The following FAM178B variants were observed in gnomAD, a reference collection of about 807,000 sequenced individuals.
FAM178B encodes the protein protein FAM178B.
A neutral mutation model predicts 91.7 loss-of-function variants in FAM178B; 82 were observed. The ratio of observed to expected loss-of-function variants is 0.89; its 90% CI spans 0.75 to 1.07. The LOEUF (loss-of-function observed/expected upper bound fraction) is 1.07, where lower values mean the gene tolerates loss of function less well. Among genes scored for constraint, FAM178B ranks in the 50% least tolerant of loss-of-function variants. The pLI, the probability that FAM178B is intolerant of heterozygous loss-of-function variation, is 0.00. For missense variants in FAM178B, 769 were observed against 846.7 expected (o/e 0.91, Z 1.14); for synonymous variants, 368 against 359.4 (o/e 1.02, Z -0.27).
intron 12 of FAM178B, among the ~76,000 whole-genome samples, chr2:96,920,007 G>A (rs998286883): frequency 6.6e-6 from 1 of 152,174 alleles, no homozygotes; most frequent in Non-Finnish European, 1.5e-5. Flanking sequence ...ACAGTGCAGG[G>A]GAAGGGAAGG....
intron 6 of FAM178B, 37 bp downstream of exon 6, chr2:96,960,251 G>C: frequency 6.5e-7 from 1 of 1,549,402 alleles, no homozygotes. Context: ...TCCTGGACAG[G>C]CTGCGCCACC....
intron 10 of FAM178B, 91 bp from the exon 11 acceptor site, chr2:96,921,745 A>C: frequency 7.6e-7 from 1 of 1,318,894 alleles, no homozygotes; most frequent in Non-Finnish European, 1.1e-6. Flanking sequence ...ACTTAGGCAG[A>C]AGGGATGGTA....
At chr2:96,957,321 A>T (rs2082013194) in intron 6 of FAM178B, among the ~76,000 whole-genome samples, 1 of 151,642 alleles carries the variant, frequency 6.6e-6, no homozygotes, top group African/African-American at 2.4e-5. Flanking sequence ...CTAAATGGTG[A>T]CCTCCAGGAA....
intron 14 of FAM178B, among the ~76,000 whole-genome samples, chr2:96,884,269 T>C (rs1420604941): frequency 6.6e-6 from 1 of 152,110 alleles, no homozygotes; most frequent in African/African-American, 2.4e-5. Context: ...CAAGAGCAGA[T>C]GTCTGGGCTC....
At chr2:96,902,586 G>T in intron 13 of FAM178B, 34 bp downstream of exon 13, 1 of 1,469,892 alleles carries the variant, frequency 6.8e-7, no homozygotes, top group Non-Finnish European at 9.3e-7. Context: ...CGCAGGCCAT[G>T]GCCTTCCTGC....
intron 12 of FAM178B, among the ~76,000 whole-genome samples, chr2:96,917,405 G>C (rs965823291): frequency 1.3e-5 from 2 of 152,184 alleles, no homozygotes; most frequent in African/African-American, 4.8e-5. Flanking sequence ...GGCATTTAAA[G>C]GGCAATTGCC....
At chr2:96,898,021 G>C in intron 13 of FAM178B, 1 of 985,534 alleles carries the variant, frequency 1.0e-6, no homozygotes, top group Non-Finnish European at 1.2e-6. Context: ...GAGATACAGA[G>C]CCCAGCAGCT....
At chr2:96,977,019 AC>A (rs1206822414) in intron 1 of FAM178B, among the ~76,000 whole-genome samples, 1 of 151,556 alleles carries the variant, frequency 6.6e-6, no homozygotes, top group African/African-American at 2.4e-5. Flanking sequence ...ACATGGGGAA[AC>A]CCTGTCTGTA....
intron 12 of FAM178B, among the ~76,000 whole-genome samples, chr2:96,907,155 T>C (rs1221956200): frequency 6.6e-6 from 1 of 151,970 alleles, no homozygotes; most frequent in African/African-American, 2.4e-5. Context: ...CCCCTTGCTG[T>C]CCCCGCCTGC....
At chr2:96,893,823 G>A in intron 14 of FAM178B, 103 bp downstream of exon 14, 1 of 1,400,480 alleles carries the variant, frequency 7.1e-7, no homozygotes, top group Non-Finnish European at 9.5e-7. Flanking sequence ...CTGGGGTTCT[G>A]GAAGGACCCG....
intron 5 of FAM178B, among the ~76,000 whole-genome samples, chr2:96,962,441 A>AAAAG (rs35231972): frequency 1.5e-3 from 26 of 17,802 alleles, no homozygotes; most frequent in Non-Finnish European, 4.9e-3. Flanking sequence ...GAAAAAAAAA[A>AAAAG]AAAGAAAGAA....
At chr2:96,887,749 C>T (rs542942252) in intron 14 of FAM178B, among the ~76,000 whole-genome samples, 23 of 152,216 alleles carry the variant, frequency 1.5e-4, no homozygotes, top group African/African-American at 5.1e-4. Context: ...TAATCCACAG[C>T]GTTGTCCAGG....
At chr2:96,879,059 C>T (rs536876547) in intron 14 of FAM178B, among the ~76,000 whole-genome samples, 4 of 152,340 alleles carry the variant, frequency 2.6e-5, no homozygotes, top group Non-Finnish European at 5.9e-5. Context: ...CCATCTGGCC[C>T]GAGAACAATT....
intron 8 of FAM178B, among the ~76,000 whole-genome samples, chr2:96,946,182 G>C (rs1368156040): frequency 6.6e-6 from 1 of 152,144 alleles, no homozygotes. Flanking sequence ...CCATCTTGTA[G>C]CATGTGTCAG....
intron 10 of FAM178B, among the ~76,000 whole-genome samples, chr2:96,922,518 T>C (rs757535291): frequency 1.1e-4 from 17 of 151,990 alleles, no homozygotes; most frequent in Non-Finnish European, 2.2e-4. Flanking sequence ...CCCGACTAAT[T>C]ATTGTATGTT....
At chr2:96,898,905 G>T (rs2080873170) in intron 13 of FAM178B, among the ~76,000 whole-genome samples, 1 of 152,234 alleles carries the variant, frequency 6.6e-6, no homozygotes, top group Admixed American at 6.5e-5. Context: ...GGCAGGGCCT[G>T]TGAGGAGGCC....
intron 8 of FAM178B, among the ~76,000 whole-genome samples, chr2:96,941,376 G>C (rs1370977292): frequency 6.6e-6 from 1 of 152,166 alleles, no homozygotes; most frequent in East Asian, 1.9e-4. Context: ...AATGCTTTCT[G>C]AGAGGAGGAG....
intron 14 of FAM178B, among the ~76,000 whole-genome samples, chr2:96,889,723 C>CAAAA (rs112200731): frequency 2.2e-5 from 3 of 135,876 alleles, no homozygotes; most frequent in African/African-American, 8.4e-5. Flanking sequence ...TAAATAAATA[C>CAAAA]AAAAAAAAAT....
At chr2:96,946,528 T>C (rs1214873139) in intron 8 of FAM178B, among the ~76,000 whole-genome samples, 6 of 152,204 alleles carry the variant, frequency 3.9e-5, no homozygotes, top group Non-Finnish European at 7.3e-5. Context: ...CAGGCTGGGC[T>C]CTCAGGTAGT....
Sources: allele counts gnomAD v4.1 joint callset (sites outside exome capture counted in the v4.1 genomes callset), GRCh38; gene constraint gnomAD v4.1.1; transcripts MANE v1.5; gene names NCBI Gene and HGNC (gene_info 2026-07-23, HGNC 2026-07-21).